VLDLR: variants seen among roughly 807,000 people sequenced by gnomAD.
The protein encoded by VLDLR is very low density lipoprotein receptor.
In VLDLR, 81 loss-of-function variants were observed where a neutral mutation model predicts 112.7. The observed-to-expected ratio is 0.72, with a 90% CI of 0.60 to 0.86. The LOEUF (loss-of-function observed/expected upper bound fraction) is 0.86, where lower values mean the gene tolerates loss of function less well. Ranked by LOEUF, VLDLR falls within the 40% of genes least tolerant of loss-of-function variation. The pLI is 0.00. For missense variants in VLDLR, 1,237 were observed against 1,099.4 expected (o/e 1.13, Z -1.77); for synonymous variants, 436 against 384.8 (o/e 1.13, Z -1.56).
chr9:2,639,066 G>T (rs994695832), intron 2 of VLDLR, among the ~76,000 whole-genome samples: 19 of 152,332 alleles, frequency 1.2e-4, no homozygotes, highest in Admixed American at 7.2e-4. Flanking sequence ...CACATGTGTT[G>T]TTAGGGGATG....
Position 2,643,629 on chromosome 9 carries a change from C to T in VLDLR, c.822C>T (p.Pro274=). The change falls in exon 6 of 19, where the codon CCC becomes CCT. Residue 274 remains proline (P), a splice_region_variant and synonymous_variant. Coordinates refer to ENST00000382100, the MANE Select transcript of VLDLR (RefSeq NM_003383.5). The stretch of plus-strand genomic sequence containing the variant: ...CCATGGTGTTTCCTCCCTTTGTAGC[C>T]TCTCGAACTTGCCGACCTGACCAAT... ...CKDGSDEVNC[P]SRTCRPDQFE... 1.2e-6 allele frequency: 2 copies of T among 1,614,164 alleles called. No homozygotes were observed. The highest frequency in any genetic ancestry group is 1.7e-6 in the Non-Finnish European group (2 of 1,180,042).
At chr9:2,635,642 G>C in intron 2 of VLDLR, 70 bp downstream of exon 2, 1 of 1,605,686 alleles carries the variant, frequency 6.2e-7, no homozygotes, top group Non-Finnish European at 8.5e-7. Context: ...CAAATGTATT[G>C]AGATTCTGAA....
rs553329242 is a variant in VLDLR at position 2,651,276 on chromosome 9, C to T, written c.2252-139C>T. The T allele has an allele frequency of 3.7e-4, 257 of 687,414 alleles. 4 individuals carry two copies. The South Asian group carries it at 4.3e-3, about 12-fold the overall frequency. 42.6% of individuals were successfully genotyped at this position (687,414 alleles called of 1,614,324 possible). A position where few individuals can be genotyped will look rare whatever the true frequency, so the allele number is the denominator to read the frequency against. ...GATTGCTATTTCAATGTTGACACAT[C>T]AGCTGTACAACTTAGTTCAGCAGTG... On this transcript the variant is annotated intron_variant, in intron 15 of 18. Transcript: ENST00000382100.
chr9:2,623,944 C>T (rs1404301576), intron 1 of VLDLR, among the ~76,000 whole-genome samples: 2 of 152,162 alleles, frequency 1.3e-5, no homozygotes, highest in African/African-American at 4.8e-5. Flanking sequence ...CAGTATAGTG[C>T]CATGACTTGC....
intron 1 of VLDLR, among the ~76,000 whole-genome samples, chr9:2,632,292 C>A (rs1011901785): frequency 6.6e-6 from 1 of 152,194 alleles, no homozygotes; most frequent in African/African-American, 2.4e-5. Flanking sequence ...ACTTCAACCA[C>A]CCCTCTAGCC....
Position 2,645,100 on chromosome 9 carries a change from G to C in VLDLR, c.1312+18G>C. The stretch of plus-strand genomic sequence containing the variant: ...GGCAGTAGGTAAATGAACTTGGACT[G>C]GTATGGCTGTTGTACCTTTATGAGT... On this transcript the variant is annotated intron_variant, in intron 9 of 18. Coordinates refer to ENST00000382100, the MANE Select transcript of VLDLR (RefSeq NM_003383.5). The C allele has an allele frequency of 1.2e-6, 2 of 1,614,032 alleles. No individual in the cohort carries two copies. The highest frequency in any genetic ancestry group is 1.7e-6 in the Non-Finnish European group (2 of 1,180,008).
At chr9:2,647,869 C>G in intron 12 of VLDLR, 1 of 576,086 alleles carries the variant, frequency 1.7e-6, no homozygotes, top group Non-Finnish European at 3.1e-6. Context: ...ATATTCTGGG[C>G]ATGAGTGCCT....
chr9:2,650,605 A>G, intron 15 of VLDLR, 89 bp downstream of exon 15: 2 of 1,550,578 alleles, frequency 1.3e-6, no homozygotes, highest in Non-Finnish European at 1.8e-6. Flanking sequence ...ATTCTGTCTT[A>G]GCTAATTCTT....
chr9:2,650,666 T>A, intron 15 of VLDLR, 150 bp downstream of exon 15: 1 of 1,214,966 alleles, frequency 8.2e-7, no homozygotes, highest in Non-Finnish European at 1.2e-6. Context: ...TATCATGTCA[T>A]TTCTTTAGAA....
intron 1 of VLDLR, among the ~76,000 whole-genome samples, chr9:2,623,165 C>T (rs1816913702): frequency 6.6e-6 from 1 of 152,190 alleles, no homozygotes; most frequent in Admixed American, 6.5e-5. Context: ...GAGCGTGTGG[C>T]CCTGTCTTGT....
intron 15 of VLDLR, among the ~76,000 whole-genome samples, chr9:2,650,828 G>C (rs1459534764): frequency 6.6e-6 from 1 of 152,194 alleles, no homozygotes; most frequent in African/African-American, 2.4e-5. Flanking sequence ...CTCAAAAGGA[G>C]GAGGACAGAA....
chr9:2,651,927 T>C lies in VLDLR; in HGVS notation c.2389T>C (p.Ser797Pro). 2 of 1,614,126 alleles carry C rather than the reference T, an allele frequency of 1.2e-6. No individual in the cohort carries two copies. Among genetic ancestry groups the C allele is most frequent in the East Asian group, 2.2e-5 (1 of 44,872 alleles). Reference protein sequence around the residue: ...SEVSVPPKGTSAAWAILPLLL... With the variant: ...SEVSVPPKGTPAAWAILPLLL... ...GGTCAGTGTTCCCCCAAAAGGGACT[T>C]CTGCCGCATGGGCCATTCTTCCTCT... Residue 797 changes from serine (S) to proline (P), a missense_variant, in exon 17 of 19, where the codon TCT becomes CCT. By Grantham distance (74) the Ser-to-Pro change is moderately conservative. Coordinates refer to ENST00000382100, the MANE Select transcript of VLDLR (RefSeq NM_003383.5).
Position 2,641,383 on chromosome 9 carries a change from G to T in VLDLR, c.332G>T (p.Arg111Ile). 1 of 1,614,160 alleles carries T rather than the reference G, an allele frequency of 6.2e-7. No individual in the cohort carries two copies. The highest frequency in any genetic ancestry group is 8.5e-7 in the Non-Finnish European group (1 of 1,180,016). Residue 111 changes from arginine to isoleucine, a missense_variant, in exon 4 of 19, where the codon AGA (arginine) becomes ATA (isoleucine). Arg to Ile is a moderately conservative substitution (Grantham distance 97). Transcript: ENST00000382100. ...SDESPEQCHM[R>I]TCRIHEISCG... ...GACTGTATATCATCAACAGATATGA[G>T]AACATGCCGCATACATGAAATCAGC... is the stretch of plus-strand genomic sequence containing the variant.
In VLDLR at chr9:2,621,897, C is replaced by T. The variant is rs1364165666; in HGVS notation, c.-293C>T. 3.2e-6 allele frequency: 2 copies of T among 621,642 alleles called. No individual in the cohort carries two copies. The highest frequency in any genetic ancestry group is 1.8e-5 in the African/African-American group (1 of 54,600). The allele number at this position is 621,642 out of a possible 1,614,324, so 38.5% of individuals were successfully genotyped here. A position where few individuals can be genotyped will look rare whatever the true frequency, so the allele number is the denominator to read the frequency against. On this transcript the variant is annotated 5_prime_UTR_variant, in exon 1 of 19. Transcript: ENST00000382100. ...CCCCCTCTCCCTTCCCTCCTCTCCC[C>T]TTGCCTCCCCTCCTCTGCAGCGCCT...
chr9:2,646,295 G>A (rs745822276), intron 10 of VLDLR, 39 bp from the exon 11 acceptor site: 1 of 1,604,834 alleles, frequency 6.2e-7, no homozygotes, highest in South Asian at 1.1e-5. Context: ...CTCTAATTGT[G>A]TCAAACTCTT....
At chr9:2,644,048 G>C in intron 7 of VLDLR, 89 bp downstream of exon 7, 1 of 1,543,666 alleles carries the variant, frequency 6.5e-7, no homozygotes. Flanking sequence ...GTGATGGCTA[G>C]TTAAACTTTT....
intron 1 of VLDLR, 25 bp from the exon 2 acceptor site, chr9:2,635,428 A>G: frequency 1.2e-6 from 2 of 1,613,670 alleles, no homozygotes; most frequent in East Asian, 2.2e-5. Flanking sequence ...TCCTTGCTTT[A>G]CCGAATGTTC....
In VLDLR at chr9:2,645,161, A is replaced by G; in HGVS notation, c.1312+79A>G. 1.2e-5 allele frequency: 19 copies of G among 1,599,778 alleles called. No individual in the cohort carries two copies. In the South Asian group the frequency reaches 2.1e-4, roughly 18 times the overall value. On this transcript the variant is annotated intron_variant, in intron 9 of 18. Transcript: ENST00000382100. ...AAAAGGTACAGCCAGTGACTACAAT[A>G]GTCAAACTAAACATGAAATTGTACT... is the stretch of plus-strand genomic sequence containing the variant.
chr9:2,628,974 C>CAA (rs1185953851), intron 1 of VLDLR, among the ~76,000 whole-genome samples: 1 of 152,174 alleles, frequency 6.6e-6, no homozygotes, highest in Non-Finnish European at 1.5e-5. Flanking sequence ...ATGAAAGAGC[C>CAA]ACTTACATTA....
Sources: gnomAD v4.1 joint callset for allele counts (sites outside exome capture counted in the v4.1 genomes callset) on GRCh38, gnomAD v4.1.1 for gene constraint, MANE v1.5 for transcripts, NCBI Gene and HGNC (gene_info 2026-07-23, HGNC 2026-07-21) for gene names.